SEMA6D: variants seen among roughly 807,000 people sequenced by gnomAD.
SEMA6D encodes semaphorin-6D.
Under a neutral mutation model 106.6 loss-of-function variants are expected in SEMA6D, and 35 were observed. That is an observed-to-expected ratio of 0.33 (90% CI 0.25 to 0.44). SEMA6D has a LOEUF of 0.44. Ranked by LOEUF, SEMA6D falls within the 20% of genes least tolerant of loss-of-function variation. The pLI is 1.00. For synonymous variants in SEMA6D, 499 were observed against 487.7 expected, an observed-to-expected ratio of 1.02 and a Z score of -0.31; for missense variants, 1,185 against 1,345.9, an observed-to-expected ratio of 0.88 and a Z score of 1.87.
At chr15:47,584,630 A>G (rs918913637) in intron 3 of SEMA6D, among the ~76,000 whole-genome samples, 4 of 152,148 alleles carry the variant, frequency 2.6e-5, no homozygotes, top group African/African-American at 4.8e-5. Context: ...TATTTTTGGT[A>G]TCTTTTGTTG....
intron 4 of SEMA6D, among the ~76,000 whole-genome samples, chr15:47,652,454 C>T (rs184677676): frequency 6.6e-6 from 1 of 152,090 alleles, no homozygotes; most frequent in Admixed American, 6.5e-5. Context: ...TTCCCCAGAC[C>T]CCCTCCTCAC....
intron 4 of SEMA6D, among the ~76,000 whole-genome samples, chr15:47,632,098 GTCTT>G (rs1566947357): frequency 6.6e-6 from 1 of 151,600 alleles, no homozygotes; most frequent in Non-Finnish European, 1.5e-5. Flanking sequence ...TTTCTCTGTT[GTCTT>G]TCTGTTTTTT....
intron 1 of SEMA6D, among the ~76,000 whole-genome samples, chr15:47,234,165 C>T (rs1050169830): frequency 1.3e-5 from 2 of 151,846 alleles, no homozygotes; most frequent in Non-Finnish European, 2.9e-5. Flanking sequence ...GGGATCTCAG[C>T]AGTCAAATGC....
chr15:47,259,569 G>T (rs11855520), intron 1 of SEMA6D, among the ~76,000 whole-genome samples: 2 of 151,704 alleles, frequency 1.3e-5, no homozygotes, highest in Non-Finnish European at 2.9e-5. Flanking sequence ...TCCCCCAATA[G>T]GTAGTGTGTC....
chr15:47,623,577 A>T (rs1432177442), intron 4 of SEMA6D, among the ~76,000 whole-genome samples: 1 of 152,202 alleles, frequency 6.6e-6, no homozygotes, highest in East Asian at 1.9e-4. Context: ...AGTGGTGTTG[A>T]TACTACCAGC....
intron 1 of SEMA6D, among the ~76,000 whole-genome samples, chr15:47,290,867 A>G (rs1185188811): frequency 6.6e-6 from 1 of 152,232 alleles, no homozygotes; most frequent in African/African-American, 2.4e-5. Flanking sequence ...CATTTATTGC[A>G]TGAGGTTATT....
intron 3 of SEMA6D, among the ~76,000 whole-genome samples, chr15:47,505,044 G>A (rs1270044467): frequency 1.3e-5 from 2 of 152,104 alleles, no homozygotes; most frequent in African/African-American, 4.8e-5. Flanking sequence ...AATTACAGTG[G>A]CTCAGTGTGG....
intron 1 of SEMA6D, among the ~76,000 whole-genome samples, chr15:47,244,296 T>C (rs1229978205): frequency 6.6e-6 from 1 of 152,144 alleles, no homozygotes; most frequent in Non-Finnish European, 1.5e-5. Flanking sequence ...CTTTGTGACT[T>C]AGGCCAAATT....
At chr15:47,501,405 G>A (rs2043844177) in intron 3 of SEMA6D, among the ~76,000 whole-genome samples, 1 of 152,162 alleles carries the variant, frequency 6.6e-6, no homozygotes, top group Non-Finnish European at 1.5e-5. Flanking sequence ...TCAGGGGTTT[G>A]CCATATAGCA....
chr15:47,608,247 A>T (rs1294363971), intron 4 of SEMA6D, among the ~76,000 whole-genome samples: 2 of 152,184 alleles, frequency 1.3e-5, no homozygotes, highest in Non-Finnish European at 2.9e-5. Flanking sequence ...TAGATTACTG[A>T]TTCATAAACT....
chr15:47,681,663 A>G (rs2145593446), intron 4 of SEMA6D, among the ~76,000 whole-genome samples: 1 of 152,362 alleles, frequency 6.6e-6, no homozygotes, highest in South Asian at 2.1e-4. Context: ...CTTCAGACCA[A>G]CCTTTATTAG....
intron 1 of SEMA6D, chr15:47,730,723 T>G: frequency 1.2e-6 from 2 of 1,605,194 alleles, no homozygotes. Flanking sequence ...TTTCAGCCGC[T>G]TATAGAGTAT....
chr15:47,478,875 G>A (rs543649449), intron 3 of SEMA6D, among the ~76,000 whole-genome samples: 1 of 152,204 alleles, frequency 6.6e-6, no homozygotes, highest in East Asian at 1.9e-4. Context: ...GAGGGGCAAA[G>A]GCACATCTTA....
At chr15:47,233,447 A>G (rs1005062113) in intron 1 of SEMA6D, among the ~76,000 whole-genome samples, 3 of 152,004 alleles carry the variant, frequency 2.0e-5, no homozygotes, top group African/African-American at 7.2e-5. Flanking sequence ...GAATTTTAGA[A>G]TTAGCTTGCC....
rs541040367 is a variant in SEMA6D at position 47,317,068 on chromosome 15, T to C, written c.-238-95325T>C. 4.6e-5 allele frequency among the ~76,000 whole-genome samples: 7 copies of C among 152,280 alleles called. No homozygotes were observed. In the East Asian group the frequency reaches 1.4e-3, roughly 29 times the overall value. On this transcript the variant is annotated intron_variant, in intron 1 of 19. Coordinates refer to the SEMA6D transcript ENST00000558014. Reference sequence around the variant, plus strand: ...GGTGCTTTCTGTTTTGCAAGGTTATTAGTTAATCAATTTCTTTATAGATAT... The same window carrying C: ...GGTGCTTTCTGTTTTGCAAGGTTATCAGTTAATCAATTTCTTTATAGATAT...
Position 47,502,703 on chromosome 15 carries a change from A to G in SEMA6D, c.-87+32158A>G, listed in dbSNP as rs560204575. Among the ~76,000 whole-genome samples the G allele has an allele frequency of 1.1e-4, 16 of 152,318 alleles. 1 individual carries two copies. The South Asian group carries it at 3.3e-3, about 32-fold the overall frequency. On this transcript the variant is annotated intron_variant, in intron 3 of 19. Coordinates refer to the SEMA6D transcript ENST00000558014. ...GTAGCAAATTTTCAAACTCATTTAG[A>G]TCATAAAAATGTCCACTGGGACATG...
intron 4 of SEMA6D, among the ~76,000 whole-genome samples, chr15:47,660,335 T>C (rs962151749): frequency 1.3e-5 from 2 of 152,282 alleles, no homozygotes; most frequent in Non-Finnish European, 2.9e-5. Flanking sequence ...GGAGGCCTAA[T>C]TGAATAAATT....
intron 1 of SEMA6D, among the ~76,000 whole-genome samples, chr15:47,196,056 G>C (rs1894330555): frequency 6.6e-6 from 1 of 151,864 alleles, no homozygotes. Context: ...TGAGAACAGG[G>C]TTAACCACCC....
intron 1 of SEMA6D, among the ~76,000 whole-genome samples, chr15:47,741,576 C>T (rs1276942019): frequency 4.6e-5 from 7 of 152,078 alleles, no homozygotes; most frequent in South Asian, 2.1e-4. Flanking sequence ...ATCAGCCGGG[C>T]GTGGTGGCAC....
Sources: gnomAD v4.1 joint callset for allele counts (sites outside exome capture counted in the v4.1 genomes callset) on GRCh38, gnomAD v4.1.1 for gene constraint, MANE v1.5 for transcripts, NCBI Gene and HGNC (gene_info 2026-07-23, HGNC 2026-07-21) for gene names.